The following LRBA variants were observed in gnomAD, a reference collection of about 807,000 sequenced individuals.
LRBA encodes the protein LPS responsive beige-like anchor protein.
A neutral mutation model predicts 330.0 loss-of-function variants in LRBA; 176 were observed. The observed-to-expected ratio is 0.53, with a 90% CI of 0.47 to 0.60. The LOEUF is 0.60. Among genes scored for constraint, LRBA ranks in the 20% least tolerant of loss-of-function variants. LRBA has a pLI of 0.00. For synonymous variants in LRBA, 1,230 were observed against 1,193.0 expected (o/e 1.03, Z -0.64); for missense variants, 3,259 against 3,444.8 (o/e 0.95, Z 1.35).
At chr4:150,811,439 A>G (rs77368925) in intron 31 of LRBA, among the ~76,000 whole-genome samples, 6,618 of 151,442 alleles carry the variant, frequency 0.044, 166 homozygotes, top group African/African-American at 0.064. Flanking sequence ...AAAAAAAAAA[A>G]AGGGGGTGTG....
intron 26 of LRBA, among the ~76,000 whole-genome samples, chr4:150,847,421 T>C (rs545804464): frequency 1.6e-4 from 24 of 152,216 alleles, no homozygotes; most frequent in Non-Finnish European, 2.9e-4. Flanking sequence ...ACATTTAAAC[T>C]AATACTATTA....
chr4:150,555,784 CACAA>C (rs1054945304), intron 40 of LRBA, among the ~76,000 whole-genome samples: 6 of 151,020 alleles, frequency 4.0e-5, no homozygotes, highest in African/African-American at 9.8e-5. Context: ...CACACACACA[CACAA>C]ACAAATAGAA....
At chr4:150,417,819 G>A (rs1432482513) in intron 46 of LRBA, among the ~76,000 whole-genome samples, 1 of 152,082 alleles carries the variant, frequency 6.6e-6, no homozygotes, top group Non-Finnish European at 1.5e-5. Flanking sequence ...TGAGGAAGCA[G>A]AATGGAACAA....
intron 56 of LRBA, among the ~76,000 whole-genome samples, chr4:150,267,204 A>G (rs1462176278): frequency 6.6e-6 from 1 of 152,256 alleles, no homozygotes; most frequent in African/African-American, 2.4e-5. Context: ...TGACACACGT[A>G]TATAGAACAC....
At chr4:150,770,586 TAC>T (rs34361480) in intron 34 of LRBA, among the ~76,000 whole-genome samples, 2,731 of 148,036 alleles carry the variant, frequency 0.018, 35 homozygotes, top group South Asian at 0.032. Context: ...TATATATATA[TAC>T]ACACACACAC....
intron 34 of LRBA, among the ~76,000 whole-genome samples, chr4:150,782,109 G>T (rs946779403): frequency 6.6e-6 from 1 of 152,010 alleles, no homozygotes; most frequent in Non-Finnish European, 1.5e-5. Flanking sequence ...GTTTTACCAT[G>T]TTGCCCAGGC....
intron 36 of LRBA, among the ~76,000 whole-genome samples, chr4:150,697,351 A>AAAC (rs1491393713): frequency 8.8e-5 from 13 of 148,086 alleles, no homozygotes; most frequent in African/African-American, 3.0e-4. Flanking sequence ...AAAAAAAAAA[A>AAAC]CAGGGAGAGT....
intron 34 of LRBA, among the ~76,000 whole-genome samples, chr4:150,769,774 T>C (rs1352082313): frequency 6.6e-6 from 1 of 152,176 alleles, no homozygotes; most frequent in African/African-American, 2.4e-5. Context: ...AAATTAACCA[T>C]CACAAGTCCA....
chr4:150,520,685 A>G (rs1762834341), intron 40 of LRBA, among the ~76,000 whole-genome samples: 1 of 152,190 alleles, frequency 6.6e-6, no homozygotes, highest in Non-Finnish European at 1.5e-5. Flanking sequence ...TAACGCAGAA[A>G]CAGAAAGCCA....
intron 5 of LRBA, 81 bp downstream of exon 5, chr4:150,921,117 C>G (rs962438259): frequency 1.2e-6 from 1 of 854,418 alleles, no homozygotes; most frequent in Admixed American, 1.9e-5. Context: ...CAGAACCTGT[C>G]AGGGGTGTTC....
At chr4:151,009,547 C>CAA (rs1352710334) in intron 2 of LRBA, among the ~76,000 whole-genome samples, 19 of 83,424 alleles carry the variant, frequency 2.3e-4, no homozygotes, top group Middle Eastern at 8.1e-3. Flanking sequence ...GACTCTGTCT[C>CAA]AAAAAAAAAA....
chr4:150,855,069 C>A (rs1751065168), intron 22 of LRBA, among the ~76,000 whole-genome samples: 1 of 152,048 alleles, frequency 6.6e-6, no homozygotes, highest in South Asian at 2.1e-4. Context: ...ATCAGCCTGG[C>A]CAACATGGTG....
chr4:150,691,075 G>A (rs1369843097), intron 36 of LRBA, among the ~76,000 whole-genome samples: 2 of 151,728 alleles, frequency 1.3e-5, no homozygotes, highest in African/African-American at 2.4e-5. Context: ...GACCACAGGC[G>A]CCTGCCACCA....
chr4:150,759,107 A>T (rs1734724982), intron 35 of LRBA, among the ~76,000 whole-genome samples: 1 of 148,266 alleles, frequency 6.7e-6, no homozygotes, highest in Non-Finnish European at 1.5e-5. Context: ...TTGTAGACAG[A>T]GTTTCACCAT....
intron 33 of LRBA, among the ~76,000 whole-genome samples, chr4:150,805,694 GAGA>G (rs994739616): frequency 2.0e-5 from 3 of 151,786 alleles, no homozygotes; most frequent in Admixed American, 2.0e-4. Flanking sequence ...GAAAGGAAAG[GAGA>G]AGGAGAAGGA....
intron 31 of LRBA, among the ~76,000 whole-genome samples, chr4:150,811,556 G>C (rs975037369): frequency 4.6e-5 from 7 of 152,140 alleles, no homozygotes; most frequent in Non-Finnish European, 1.0e-4. Flanking sequence ...AGGCTGGAGT[G>C]TACTGGTGTG....
chr4:150,534,464 T>C (rs1410718999), intron 40 of LRBA, among the ~76,000 whole-genome samples: 1 of 151,668 alleles, frequency 6.6e-6, no homozygotes, highest in African/African-American at 2.4e-5. Context: ...TTACACGTTT[T>C]GCTTTAGTGG....
At chr4:150,861,099 A>G (rs956827168) in intron 22 of LRBA, among the ~76,000 whole-genome samples, 2 of 152,088 alleles carry the variant, frequency 1.3e-5, no homozygotes, top group African/African-American at 4.8e-5. Context: ...TTAATGTTTT[A>G]ATTTTTGTTT....
In LRBA at chr4:150,948,945, G is replaced by C. The variant is rs145704952; in HGVS notation, c.217-19880C>G. ...AAAATAATGACAACACCAAATGCTG[G>C]TGAGGATGTGGAGAAACTGGATAAT... On this transcript the variant is annotated intron_variant, in intron 2 of 56. Transcript: ENST00000651943. 1.7e-3 allele frequency among the ~76,000 whole-genome samples: 254 copies of C among 151,944 alleles called. 1 individual carries two copies. The highest frequency in any genetic ancestry group is 3.4e-3 in the Middle Eastern group (1 of 294).
Sources: gnomAD v4.1 joint callset for allele counts (sites outside exome capture counted in the v4.1 genomes callset) on GRCh38, gnomAD v4.1.1 for gene constraint, MANE v1.5 for transcripts, NCBI Gene and HGNC (gene_info 2026-07-23, HGNC 2026-07-21) for gene names.